MECR: variants seen among roughly 807,000 people sequenced by gnomAD.
MECR encodes enoyl-[acyl-carrier-protein] reductase, mitochondrial.
In MECR, 37 loss-of-function variants were observed where a neutral mutation model predicts 49.1. That is an observed-to-expected ratio of 0.75 (90% CI 0.58 to 0.99). MECR has a LOEUF of 0.99. Among genes scored for constraint, MECR ranks in the 50% least tolerant of loss-of-function variants. The pLI, the probability that MECR is intolerant of heterozygous loss-of-function variation, is 0.00. For synonymous variants in MECR, 198 were observed against 191.1 expected, an observed-to-expected ratio of 1.04 and a Z score of -0.30; for missense variants, 470 against 479.6, an observed-to-expected ratio of 0.98 and a Z score of 0.19.
the MECR span, among the ~76,000 whole-genome samples, chr1:29,178,925 T>C: frequency 3.3e-4 from 51 of 152,346 alleles, no homozygotes; most frequent in South Asian, 0.01. Context: ...TTGTGTGCTG[T>C]TTGGTGACTG....
intron 3 of MECR, among the ~76,000 whole-genome samples, chr1:29,210,941 C>T (rs997667794): frequency 1.3e-5 from 2 of 152,136 alleles, no homozygotes; most frequent in African/African-American, 4.8e-5. Flanking sequence ...TTTAATGATG[C>T]TAATTCCCAG....
At chr1:29,182,778 AG>A in the MECR span, among the ~76,000 whole-genome samples, 1 of 152,222 alleles carries the variant, frequency 6.6e-6, no homozygotes, top group Non-Finnish European at 1.5e-5. Flanking sequence ...TCCAGACCTC[AG>A]GTGATCCGCC....
downstream of MECR, among the ~76,000 whole-genome samples, chr1:29,189,404 G>A (rs1483511097): frequency 6.6e-6 from 1 of 150,796 alleles, no homozygotes; most frequent in Admixed American, 6.6e-5. Flanking sequence ...GTTGGGGGGG[G>A]GTCTCCTCAT....
At chr1:29,189,375 C>T (rs966077108), downstream of MECR, among the ~76,000 whole-genome samples, 6 of 149,660 alleles carry the variant, frequency 4.0e-5, no homozygotes, top group East Asian at 9.7e-4. Context: ...AGGCAATTTT[C>T]GTATTTTTGT....
chr1:29,193,866 T>C lies in MECR; in HGVS notation c.*156A>G. 1.2e-6 allele frequency: 1 copy of C among 855,996 alleles called. No homozygotes were observed. Among genetic ancestry groups the C allele is most frequent in the Non-Finnish European group, 1.8e-6 (1 of 558,070 alleles). The allele number at this position is 855,996 out of a possible 1,614,324, so 53.0% of individuals were successfully genotyped here. ...TTATTAGATACCTTAAGGCTGGCCC[T>C]GGGGAAAACCGTGGCTGGCTTCACC... On this transcript the variant is annotated 3_prime_UTR_variant, in exon 10 of 10. Transcript: ENST00000263702.
chr1:29,173,057 T>C, the MECR span: 2 of 152,094 alleles, frequency 1.3e-5, no homozygotes, highest in African/African-American at 2.4e-5. Context: ...AATGATACTT[T>C]TCACTTTATG....
Position 29,216,129 on chromosome 1 carries a change from G to A in MECR, c.282C>T (p.Tyr94=), listed in dbSNP as rs140812494. 196 of 1,613,574 alleles carry A rather than the reference G, an allele frequency of 1.2e-4. 2 individuals are homozygous for A. The African/African-American group carries it at 1.8e-3, about 15-fold the overall frequency. ...PSDINMIQGN[Y]GFLPELPAVG... is the part of the protein sequence containing the mutation. ...CAGCAGGCAGTTCAGGAAGGAATCC[G>A]TAGTTTCCTGAGGGAGAAGAGCATT... Residue 94 remains tyrosine (Y), a synonymous_variant, in exon 3 of 10, where the codon TAC becomes TAT. Coordinates refer to ENST00000263702, the MANE Select transcript of MECR (RefSeq NM_016011.5).
intron 9 of MECR, 56 bp downstream of exon 9, chr1:29,195,885 G>T: frequency 6.4e-7 from 1 of 1,573,182 alleles, no homozygotes; most frequent in Non-Finnish European, 8.8e-7. Context: ...CATTTCTGCT[G>T]CCATTTTTAG....
rs779925640 is a variant in MECR, at chr1:29,200,601, C to T, written c.757-12G>A. On this transcript the variant is annotated splice_polypyrimidine_tract_variant and intron_variant, in intron 6 of 9. Coordinates refer to ENST00000263702, the MANE Select transcript of MECR (RefSeq NM_016011.5). ...GGCTGGGGCATGTCCTGGAAAACAA[C>T]AAAAGTGCAGTGAGGGAGCATCCCC... is the stretch of plus-strand genomic sequence containing the variant. 9 of 1,613,098 alleles carry T rather than the reference C, an allele frequency of 5.6e-6. No homozygotes were observed. Among genetic ancestry groups the T allele is most frequent in the Non-Finnish European group, 7.6e-6 (9 of 1,179,176 alleles).
chr1:29,184,830 A>G, the MECR span, among the ~76,000 whole-genome samples: 4 of 151,994 alleles, frequency 2.6e-5, no homozygotes, highest in African/African-American at 9.7e-5. Flanking sequence ...CTGGTCTTAA[A>G]CTACTGGGCT....
At chr1:29,179,961 A>G in the MECR span, among the ~76,000 whole-genome samples, 2 of 152,228 alleles carry the variant, frequency 1.3e-5, no homozygotes, top group African/African-American at 4.8e-5. Context: ...TCACCTGAGT[A>G]ACATTAGAAA....
chr1:29,181,830 AGCGGCG>A, the MECR span: 12 of 1,248,008 alleles, frequency 9.6e-6, no homozygotes, highest in African/African-American at 1.6e-5. Context: ...GCACGGCGGC[AGCGGCG>A]GCGGCGGCAA....
the MECR span, among the ~76,000 whole-genome samples, chr1:29,180,278 T>C: frequency 6.6e-6 from 1 of 152,102 alleles, no homozygotes; most frequent in Non-Finnish European, 1.5e-5. Context: ...CTTTCACATA[T>C]ATGGTATGTA....
chr1:29,177,189 G>C, the MECR span, among the ~76,000 whole-genome samples: 23 of 151,922 alleles, frequency 1.5e-4, no homozygotes, highest in African/African-American at 5.6e-4. Context: ...TTACCACAGA[G>C]CTGAAAGGGT....
At chr1:29,226,167 T>TAAAAAA (rs57234529) in intron 1 of MECR, among the ~76,000 whole-genome samples, 2 of 44,398 alleles carry the variant, frequency 4.5e-5, no homozygotes, top group East Asian at 6.4e-4. Flanking sequence ...AGGCTCTATC[T>TAAAAAA]AAAAAAAAAA....
intron 1 of MECR, among the ~76,000 whole-genome samples, chr1:29,225,997 TGTC>T (rs898028330): frequency 2.0e-5 from 3 of 151,932 alleles, no homozygotes; most frequent in Non-Finnish European, 4.4e-5. Flanking sequence ...GGCGAAACCC[TGTC>T]TTCACTAAAA....
the MECR span, chr1:29,168,506 G>A: frequency 2.6e-5 from 4 of 152,150 alleles, no homozygotes; most frequent in Non-Finnish European, 5.9e-5. Flanking sequence ...AATTGACCTT[G>A]GGGCAGGGTG....
At chr1:29,220,129 G>A (rs1241542902) in intron 1 of MECR, among the ~76,000 whole-genome samples, 1 of 151,360 alleles carries the variant, frequency 6.6e-6, no homozygotes, top group Non-Finnish European at 1.5e-5. Context: ...GGTGGCTCAC[G>A]CCTGTAATCC....
the MECR span, chr1:29,172,112 TG>T: frequency 1.3e-5 from 2 of 152,086 alleles, no homozygotes; most frequent in South Asian, 2.1e-4. Flanking sequence ...TACACTTTTT[TG>T]GGGGGTAAGT....
Sources: gnomAD v4.1 joint callset for allele counts (sites outside exome capture counted in the v4.1 genomes callset) on GRCh38, gnomAD v4.1.1 for gene constraint, MANE v1.5 for transcripts, NCBI Gene and HGNC (gene_info 2026-07-23, HGNC 2026-07-21) for gene names.